SGCD: variants seen among roughly 807,000 people sequenced by gnomAD.
SGCD encodes the protein delta-sarcoglycan.
In SGCD, 18 loss-of-function variants were observed where a neutral mutation model predicts 36.6. The observed-to-expected ratio is 0.49, with a 90% confidence interval of 0.34 to 0.73. The LOEUF is 0.73. SGCD is among the 30% of genes least tolerant of loss of function. The probability of loss-of-function intolerance (pLI) is 0.01; values close to 1 mark genes in which losing one functional copy is unlikely to be tolerated. For missense variants in SGCD, 387 were observed against 346.7 expected, an observed-to-expected ratio of 1.12 and a Z score of -0.92; for synonymous variants, 133 against 130.6, an observed-to-expected ratio of 1.02 and a Z score of -0.12.
intron 6 of SGCD, among the ~76,000 whole-genome samples, chr5:156,599,829 C>T (rs575621909): frequency 1.3e-5 from 2 of 152,278 alleles, no homozygotes; most frequent in East Asian, 1.9e-4. Context: ...ACTATATATC[C>T]TGGTTTCTGT....
intron 7 of SGCD, among the ~76,000 whole-genome samples, chr5:156,715,384 A>G (rs1403616932): frequency 3.3e-5 from 5 of 152,126 alleles, no homozygotes; most frequent in Admixed American, 2.0e-4. Context: ...GCAGGGCACA[A>G]CTGAAAAGAA....
At chr5:156,178,593 G>A (rs1400688177) in intron 3 of SGCD, among the ~76,000 whole-genome samples, 1 of 151,980 alleles carries the variant, frequency 6.6e-6, no homozygotes, top group Admixed American at 6.6e-5. Flanking sequence ...TACCCATTGG[G>A]CCTTAGTTTT....
chr5:155,996,863 GGATAGATAGATAGATAGATA>G (rs10696253), intron 1 of SGCD, among the ~76,000 whole-genome samples: 11 of 133,358 alleles, frequency 8.2e-5, no homozygotes, highest in Admixed American at 3.8e-4. Flanking sequence ...CTGGATGGAT[GGATAGATAGATAGATAGATA>G]GATAGATAGA....
At chr5:156,657,172 C>T (rs1370286019) in intron 7 of SGCD, among the ~76,000 whole-genome samples, 2 of 151,648 alleles carry the variant, frequency 1.3e-5, no homozygotes, top group East Asian at 1.9e-4. Context: ...TAATTCTCCG[C>T]ACACCACTGA....
chr5:156,160,961 G>A (rs966882682), intron 3 of SGCD, among the ~76,000 whole-genome samples: 11 of 151,662 alleles, frequency 7.3e-5, no homozygotes, highest in African/African-American at 2.7e-4. Flanking sequence ...TTATATGCAA[G>A]AGCAGCCATA....
chr5:155,820,446 G>A, the SGCD span, among the ~76,000 whole-genome samples: 2 of 152,040 alleles, frequency 1.3e-5, no homozygotes, highest in Non-Finnish European at 2.9e-5. Context: ...AATTGCTCGA[G>A]CTCTGGAATT....
At chr5:156,547,192 A>G (rs1758609324) in intron 4 of SGCD, among the ~76,000 whole-genome samples, 1 of 152,106 alleles carries the variant, frequency 6.6e-6, no homozygotes, top group Non-Finnish European at 1.5e-5. Context: ...TTGGGGCCAG[A>G]TTTCTCACTT....
chr5:156,201,223 A>G (rs939683093), intron 3 of SGCD, among the ~76,000 whole-genome samples: 2 of 152,222 alleles, frequency 1.3e-5, no homozygotes, highest in African/African-American at 4.8e-5. Context: ...AGTAAATTTA[A>G]TGCTATGTAG....
intron 1 of SGCD, among the ~76,000 whole-genome samples, chr5:156,082,751 A>G (rs1045995011): frequency 1.3e-5 from 2 of 152,224 alleles, no homozygotes; most frequent in East Asian, 3.8e-4. Flanking sequence ...ATACATCAGG[A>G]TCGCATAAAT....
chr5:156,036,969 C>G (rs575785429), intron 1 of SGCD, among the ~76,000 whole-genome samples: 64 of 152,238 alleles, frequency 4.2e-4, no homozygotes, highest in African/African-American at 1.4e-3. Context: ...TCTCCTCATG[C>G]CACTTACAGT....
chr5:155,766,549 T>C, the SGCD span, among the ~76,000 whole-genome samples: 1 of 152,180 alleles, frequency 6.6e-6, no homozygotes, highest in Non-Finnish European at 1.5e-5. Flanking sequence ...ATTGCCTGCA[T>C]TTTTATCTGG....
chr5:155,894,640 G>T (rs1316367840), intron 1 of SGCD, among the ~76,000 whole-genome samples: 1 of 152,084 alleles, frequency 6.6e-6, no homozygotes, highest in Non-Finnish European at 1.5e-5. Context: ...ATCAGTGGTG[G>T]CATTAGATTC....
At chr5:156,501,157 C>T (rs1267240982) in intron 3 of SGCD, among the ~76,000 whole-genome samples, 1 of 152,178 alleles carries the variant, frequency 6.6e-6, no homozygotes, top group African/African-American at 2.4e-5. Flanking sequence ...TCACGGGAGG[C>T]ACAGATCTTT....
intron 1 of SGCD, among the ~76,000 whole-genome samples, chr5:155,892,242 G>A (rs1580975230): frequency 1.3e-5 from 2 of 152,090 alleles, no homozygotes; most frequent in Middle Eastern, 6.8e-3. Flanking sequence ...TGGATCACGA[G>A]GTCAGGAAAT....
the SGCD span, among the ~76,000 whole-genome samples, chr5:155,732,093 G>A: frequency 6.6e-6 from 1 of 152,292 alleles, no homozygotes; most frequent in South Asian, 2.1e-4. Flanking sequence ...AAGGCAGATG[G>A]CTCCTCTGGT....
intron 2 of SGCD, among the ~76,000 whole-genome samples, chr5:156,329,923 A>G (rs1767985669): frequency 6.7e-6 from 1 of 149,366 alleles, no homozygotes; most frequent in Admixed American, 6.7e-5. Context: ...AGGCTGATGC[A>G]GGAGAATGGC....
intron 6 of SGCD, among the ~76,000 whole-genome samples, chr5:156,624,871 G>A (rs2113511861): frequency 6.6e-6 from 1 of 152,268 alleles, no homozygotes; most frequent in South Asian, 2.1e-4. Context: ...GGCTGATAAA[G>A]CACAAGAGCT....
At chr5:156,251,304 G>T (rs553982276) in intron 3 of SGCD, among the ~76,000 whole-genome samples, 1 of 152,260 alleles carries the variant, frequency 6.6e-6, no homozygotes, top group Admixed American at 6.5e-5. Flanking sequence ...GAGCCTGCTT[G>T]CATGCAGAAG....
intron 3 of SGCD, among the ~76,000 whole-genome samples, chr5:156,364,346 CTTA>C (rs1189247563): frequency 6.7e-6 from 1 of 149,652 alleles, no homozygotes; most frequent in African/African-American, 2.5e-5. Context: ...TGGTGCCTAT[CTTA>C]TTATTAGTGT....
Sources: allele counts gnomAD v4.1 joint callset (sites outside exome capture counted in the v4.1 genomes callset), GRCh38; gene constraint gnomAD v4.1.1; transcripts MANE v1.5; gene names NCBI Gene and HGNC (gene_info 2026-07-23, HGNC 2026-07-21).